PTPRT: variants seen among roughly 807,000 people sequenced by gnomAD.
PTPRT encodes the protein receptor-type tyrosine-protein phosphatase T.
Under a neutral mutation model 176.8 loss-of-function variants are expected in PTPRT, and 56 were observed. That is an observed-to-expected ratio of 0.32 (90% confidence interval 0.26 to 0.40). The LOEUF (loss-of-function observed/expected upper bound fraction) is 0.40. PTPRT is among the 10% of genes least tolerant of loss of function. The probability of loss-of-function intolerance (pLI) is 1.00; values close to 1 mark genes in which losing one functional copy is unlikely to be tolerated. For missense variants in PTPRT, 1,540 were observed against 1,908.2 expected, an observed-to-expected ratio of 0.81 and a Z score of 3.60; for synonymous variants, 783 against 739.0, an observed-to-expected ratio of 1.06 and a Z score of -0.96.
intron 7 of PTPRT, among the ~76,000 whole-genome samples, chr20:42,481,804 A>ACGCG (rs149328532): frequency 7.0e-6 from 1 of 142,776 alleles, no homozygotes; most frequent in African/African-American, 2.6e-5. Context: ...ACACACACAC[A>ACGCG]CGCGCGCATG....
chr20:42,509,665 A>G (rs1337324704), intron 7 of PTPRT, among the ~76,000 whole-genome samples: 1 of 149,378 alleles, frequency 6.7e-6, no homozygotes, highest in Non-Finnish European at 1.5e-5. Context: ...AGAATAGCTC[A>G]GGATTCTTTT....
At chr20:42,272,746 CAT>C (rs1255225609) in intron 13 of PTPRT, among the ~76,000 whole-genome samples, 3 of 147,444 alleles carry the variant, frequency 2.0e-5, no homozygotes, top group Non-Finnish European at 4.5e-5. Flanking sequence ...CACACACACA[CAT>C]ACAGTGGGGC....
chr20:43,093,183 G>A (rs893582020), intron 1 of PTPRT, among the ~76,000 whole-genome samples: 3 of 152,156 alleles, frequency 2.0e-5, no homozygotes, highest in Non-Finnish European at 4.4e-5. Context: ...TATCGAGGAG[G>A]AGAGATTGGT....
At chr20:42,464,853 C>T (rs1412059544) in intron 8 of PTPRT, among the ~76,000 whole-genome samples, 1 of 152,150 alleles carries the variant, frequency 6.6e-6, no homozygotes, top group Non-Finnish European at 1.5e-5. Flanking sequence ...TCCTTAGCAA[C>T]ATGCAGCCTC....
chr20:42,462,761 TATG>T (rs1370271373), intron 8 of PTPRT, among the ~76,000 whole-genome samples: 3 of 152,206 alleles, frequency 2.0e-5, no homozygotes, highest in Non-Finnish European at 4.4e-5. Context: ...AAAAGCTCTC[TATG>T]ATGTCTGATG....
chr20:43,122,055 G>A (rs1203771633), intron 1 of PTPRT, among the ~76,000 whole-genome samples: 5 of 152,098 alleles, frequency 3.3e-5, no homozygotes, highest in African/African-American at 1.2e-4. Context: ...TCTAGTCCCC[G>A]GCTTCAGCAT....
intron 9 of PTPRT, among the ~76,000 whole-genome samples, chr20:42,438,521 GA>G (rs1362525074): frequency 6.6e-6 from 1 of 152,128 alleles, no homozygotes; most frequent in African/African-American, 2.4e-5. Flanking sequence ...GATGAAGCTG[GA>G]AAAATGGATA....
intron 1 of PTPRT, among the ~76,000 whole-genome samples, chr20:43,017,144 C>T (rs751398127): frequency 6.6e-5 from 10 of 152,362 alleles, no homozygotes; most frequent in Non-Finnish European, 1.5e-4. Flanking sequence ...CACTCTACTC[C>T]TTGCCCCAAC....
intron 2 of PTPRT, among the ~76,000 whole-genome samples, chr20:42,837,696 T>C (rs1216923162): frequency 6.6e-6 from 1 of 152,192 alleles, no homozygotes; most frequent in African/African-American, 2.4e-5. Flanking sequence ...CCTATTCCAG[T>C]GCTTAGCAAC....
intron 2 of PTPRT, among the ~76,000 whole-genome samples, chr20:42,877,030 T>C (rs1272831463): frequency 6.6e-6 from 1 of 152,176 alleles, no homozygotes; most frequent in Non-Finnish European, 1.5e-5. Context: ...GTGTGACCTG[T>C]AGGGTTTGTG....
At chr20:43,120,811 T>A (rs986041810) in intron 1 of PTPRT, among the ~76,000 whole-genome samples, 7 of 152,070 alleles carry the variant, frequency 4.6e-5, no homozygotes, top group African/African-American at 1.7e-4. Flanking sequence ...ATTTTTCATG[T>A]TTTGCATAGG....
intron 7 of PTPRT, among the ~76,000 whole-genome samples, chr20:42,635,372 A>C (rs2074572250): frequency 6.6e-6 from 1 of 152,148 alleles, no homozygotes; most frequent in South Asian, 2.1e-4. Flanking sequence ...TATTCCTGAA[A>C]TCTATGCACA....
chr20:42,772,844 T>C (rs968917450), intron 4 of PTPRT, among the ~76,000 whole-genome samples: 5 of 152,248 alleles, frequency 3.3e-5, no homozygotes, highest in African/African-American at 1.2e-4. Flanking sequence ...GGTACTATGA[T>C]AAATGCTTTG....
chr20:42,248,112 AAAC>A (rs1455919651), intron 14 of PTPRT, among the ~76,000 whole-genome samples: 1 of 152,124 alleles, frequency 6.6e-6, no homozygotes, highest in African/African-American at 2.4e-5. Flanking sequence ...GAGAGGTGAC[AAAC>A]AACAGCAACC....
chr20:42,712,999 A>G (rs1029443379), intron 6 of PTPRT, among the ~76,000 whole-genome samples: 2 of 152,208 alleles, frequency 1.3e-5, no homozygotes, highest in Admixed American at 6.5e-5. Flanking sequence ...TCCAAGATAC[A>G]TTAAGTGGAA....
At chr20:42,124,575 G>A (rs183527425) in intron 19 of PTPRT, among the ~76,000 whole-genome samples, 2 of 152,338 alleles carry the variant, frequency 1.3e-5, no homozygotes, top group Non-Finnish European at 1.5e-5. Flanking sequence ...TTAATGAATC[G>A]TCAAGATCCA....
intron 1 of PTPRT, among the ~76,000 whole-genome samples, chr20:42,892,405 CTG>C (rs1336820845): frequency 1.3e-5 from 2 of 152,018 alleles, no homozygotes; most frequent in African/African-American, 4.8e-5. Flanking sequence ...TTTGAACACT[CTG>C]TGTGTTCACA....
chr20:42,114,445 T>G (rs1003405110), intron 22 of PTPRT, among the ~76,000 whole-genome samples: 1 of 152,244 alleles, frequency 6.6e-6, no homozygotes, highest in Non-Finnish European at 1.5e-5. Context: ...GCAATTATTA[T>G]GTAACATGTT....
chr20:42,646,237 T>G (rs2074896551), intron 7 of PTPRT, among the ~76,000 whole-genome samples: 1 of 151,464 alleles, frequency 6.6e-6, no homozygotes, highest in African/African-American at 2.4e-5. Context: ...CAAACTGGCA[T>G]AGGCTATGCA....
Sources: gnomAD v4.1 joint callset for allele counts (sites outside exome capture counted in the v4.1 genomes callset) on GRCh38, gnomAD v4.1.1 for gene constraint, MANE v1.5 for transcripts, NCBI Gene and HGNC (gene_info 2026-07-23, HGNC 2026-07-21) for gene names.